ENOX1: variants seen among roughly 807,000 people sequenced by gnomAD.
ENOX1 encodes candidate growth-related and time keeping constitutive hydroquinone (NADH) oxidase.
ENOX1 carries 42 observed loss-of-function variants against 82.5 expected under a neutral mutation model. The ratio of observed to expected loss-of-function variants is 0.51; its 90% CI spans 0.40 to 0.66. ENOX1 has a LOEUF of 0.66. Ranked by LOEUF, ENOX1 falls within the 30% of genes least tolerant of loss-of-function variation. The pLI is 0.00. For synonymous variants in ENOX1, 271 were observed against 282.2 expected, an observed-to-expected ratio of 0.96 and a Z score of 0.40; for missense variants, 608 against 811.6, an observed-to-expected ratio of 0.75 and a Z score of 3.05.
At chr13:43,729,090 A>C (rs911463475) in intron 1 of ENOX1, among the ~76,000 whole-genome samples, 1 of 152,196 alleles carries the variant, frequency 6.6e-6, no homozygotes, top group Non-Finnish European at 1.5e-5. Flanking sequence ...GAGGCCCAAA[A>C]AAGTTATCTG....
intron 2 of ENOX1, among the ~76,000 whole-genome samples, chr13:43,553,569 A>T (rs1182341434): frequency 2.0e-5 from 3 of 152,304 alleles, no homozygotes; most frequent in South Asian, 4.1e-4. Context: ...GCAAATTGTT[A>T]GTTCCTGCAG....
rs147214732 is a variant in ENOX1 at position 43,693,704 on chromosome 13, T to C, written c.-284-26160A>G. Among the ~76,000 whole-genome samples, 1,500 of 152,316 alleles carry C rather than the reference T, an allele frequency of 9.8e-3. 9 individuals are homozygous for C. The highest frequency in any genetic ancestry group is 0.031 in the Middle Eastern group (9 of 294). On this transcript the variant is annotated intron_variant, in intron 1 of 16. Transcript: ENST00000690772. ...CCTTTCAGCTCTAAGGATAAACGCA[T>C]GCACAGGTTACCAGGACATGTTGCA...
chr13:43,612,341 C>T (rs889647060), intron 2 of ENOX1, among the ~76,000 whole-genome samples: 7 of 152,078 alleles, frequency 4.6e-5, no homozygotes, highest in Non-Finnish European at 2.9e-5. Flanking sequence ...TATGGATTAC[C>T]CTCATATTTT....
intron 2 of ENOX1, among the ~76,000 whole-genome samples, chr13:43,575,292 C>T (rs1495766): frequency 0.42 from 63,458 of 152,050 alleles, 14,671 homozygotes; most frequent in Non-Finnish European, 0.54. Flanking sequence ...CCAAGTCCTC[C>T]TTGCAAAAGG....
At position 43,498,164 on chromosome 13, in the gene ENOX1, T is replaced by C. The variant is rs188372248; in HGVS notation, c.-218-14012A>G. The stretch of plus-strand genomic sequence containing the variant: ...ACTGACATAATTTTGCACTGCCATG[T>C]GTTTTCAGTCATCTTTATTAGTTTG... On this transcript the variant is annotated intron_variant, in intron 2 of 16. Transcript: ENST00000690772. 1.1e-4 allele frequency among the ~76,000 whole-genome samples: 17 copies of C among 152,250 alleles called. No homozygotes were observed. In the East Asian group the frequency reaches 3.3e-3, roughly 29 times the overall value.
intron 2 of ENOX1, among the ~76,000 whole-genome samples, chr13:43,539,549 T>C (rs2078620712): frequency 2.6e-5 from 4 of 152,210 alleles, no homozygotes; most frequent in Admixed American, 2.6e-4. Context: ...CAACTTTTAA[T>C]TATTTATAAG....
intron 1 of ENOX1, among the ~76,000 whole-genome samples, chr13:43,668,319 A>C (rs1432719817): frequency 1.3e-5 from 2 of 152,162 alleles, no homozygotes; most frequent in Non-Finnish European, 2.9e-5. Flanking sequence ...TGCCTTATAC[A>C]TCAGGCCTGT....
intron 2 of ENOX1, among the ~76,000 whole-genome samples, chr13:43,649,169 T>A (rs1464079282): frequency 6.6e-6 from 1 of 152,196 alleles, no homozygotes; most frequent in Admixed American, 6.5e-5. Flanking sequence ...CTAATATCTA[T>A]GGGAAAATAG....
At chr13:43,475,926 A>G (rs2058264002) in intron 3 of ENOX1, among the ~76,000 whole-genome samples, 1 of 152,136 alleles carries the variant, frequency 6.6e-6, no homozygotes, top group Non-Finnish European at 1.5e-5. Flanking sequence ...AGAGCCCTAA[A>G]TAAGGTGGGA....
intron 10 of ENOX1, among the ~76,000 whole-genome samples, chr13:43,325,283 T>C (rs933987952): frequency 6.6e-6 from 1 of 152,234 alleles, no homozygotes; most frequent in African/African-American, 2.4e-5. Flanking sequence ...CCAACCACCG[T>C]AGGCATTAGT....
At chr13:43,372,942 C>CAA (rs71099832) in intron 5 of ENOX1, among the ~76,000 whole-genome samples, 154 of 144,582 alleles carry the variant, frequency 1.1e-3, no homozygotes, top group South Asian at 1.6e-3. Context: ...TCTTCATCTG[C>CAA]AAAAAAAAAA....
At chr13:43,258,362 C>T (rs1243898391) in intron 14 of ENOX1, among the ~76,000 whole-genome samples, 2 of 152,082 alleles carry the variant, frequency 1.3e-5, no homozygotes, top group African/African-American at 4.8e-5. Context: ...AATTGCAGCA[C>T]ATACAGTTAA....
chr13:43,661,034 T>C (rs1425917360), intron 2 of ENOX1, among the ~76,000 whole-genome samples: 1 of 152,184 alleles, frequency 6.6e-6, no homozygotes, highest in Non-Finnish European at 1.5e-5. Context: ...TAAAAAGAGA[T>C]ACAATAAAAT....
At chr13:43,643,113 C>A (rs979300246) in intron 2 of ENOX1, among the ~76,000 whole-genome samples, 2 of 152,224 alleles carry the variant, frequency 1.3e-5, no homozygotes, top group Admixed American at 6.5e-5. Flanking sequence ...ATGTTTACAA[C>A]TGTCCTGTCG....
chr13:43,319,951 T>C (rs1324922390), intron 11 of ENOX1, among the ~76,000 whole-genome samples: 1 of 152,190 alleles, frequency 6.6e-6, no homozygotes. Context: ...AAACAAGGGA[T>C]GTGTCACCCA....
At position 43,410,769 on chromosome 13, in the gene ENOX1, G is replaced by A. The variant is rs577234786; in HGVS notation, c.208+1147C>T. ...TGAAGTGCACAGGTATGTGGGAGTA[G>A]AACTTAGCACATTCCAAATGCGATT... On this transcript the variant is annotated intron_variant, in intron 5 of 16. Transcript: ENST00000690772. Among the ~76,000 whole-genome samples, 4 of 152,214 alleles carry A rather than the reference G, an allele frequency of 2.6e-5. No individual in the cohort carries two copies. The South Asian group carries it at 8.3e-4, about 32-fold the overall frequency.
At chr13:43,712,923 G>T (rs1429695918) in intron 1 of ENOX1, among the ~76,000 whole-genome samples, 4 of 151,910 alleles carry the variant, frequency 2.6e-5, no homozygotes, top group South Asian at 4.2e-4. Context: ...CTGCCTAACT[G>T]CCCTGGCCAG....
intron 2 of ENOX1, among the ~76,000 whole-genome samples, chr13:43,607,639 A>C (rs567997442): frequency 1.3e-5 from 2 of 152,282 alleles, no homozygotes; most frequent in South Asian, 4.1e-4. Context: ...CAAATCCTGA[A>C]TATTATAATA....
At chr13:43,453,845 A>G (rs1165431929) in intron 3 of ENOX1, among the ~76,000 whole-genome samples, 3 of 152,208 alleles carry the variant, frequency 2.0e-5, no homozygotes, top group African/African-American at 7.2e-5. Flanking sequence ...AAAGGAAAAT[A>G]TAGGTGTTGT....
Sources: allele counts gnomAD v4.1 joint callset (sites outside exome capture counted in the v4.1 genomes callset), GRCh38; gene constraint gnomAD v4.1.1; transcripts MANE v1.5; gene names NCBI Gene and HGNC (gene_info 2026-07-23, HGNC 2026-07-21).